Variants in LNX1 observed in about 807,000 individuals in gnomAD.
LNX1 encodes the protein E3 ubiquitin-protein ligase LNX.
LNX1 carries 54 observed loss-of-function variants against 68.4 expected under a neutral mutation model. The ratio of observed to expected loss-of-function variants is 0.79; its 90% CI spans 0.63 to 0.99. The LOEUF is 0.99. LNX1 is among the 50% of genes least tolerant of loss of function. LNX1 has a pLI of 0.00. For missense variants in LNX1, 906 were observed against 926.4 expected (o/e 0.98, Z 0.29); for synonymous variants, 336 against 350.0 (o/e 0.96, Z 0.45).
chr4:53,462,606 T>A (rs1400744696), intron 9 of LNX1, among the ~76,000 whole-genome samples: 1 of 152,172 alleles, frequency 6.6e-6, no homozygotes, highest in Non-Finnish European at 1.5e-5. Flanking sequence ...TTACATTTGT[T>A]ACCAACCTTG....
At chr4:53,585,738 G>C (rs1732130283) in intron 1 of LNX1, among the ~76,000 whole-genome samples, 1 of 152,176 alleles carries the variant, frequency 6.6e-6, no homozygotes, top group Non-Finnish European at 1.5e-5. Flanking sequence ...AGAGACCAGA[G>C]AAGACCCTCT....
chr4:53,541,816 A>C (rs1728783950), intron 2 of LNX1, among the ~76,000 whole-genome samples: 1 of 152,218 alleles, frequency 6.6e-6, no homozygotes. Flanking sequence ...ACTAAAATAA[A>C]AATGTTTAAA....
chr4:53,642,967 C>T (rs1470595410), intron 1 of LNX1, among the ~76,000 whole-genome samples: 1 of 152,152 alleles, frequency 6.6e-6, no homozygotes, highest in Non-Finnish European at 1.5e-5. Context: ...TGATTTTGCC[C>T]TCCAGAGGCC....
At chr4:53,562,457 CTCTCTAG>C (rs1730355139) in intron 2 of LNX1, among the ~76,000 whole-genome samples, 2 of 152,196 alleles carry the variant, frequency 1.3e-5, no homozygotes, top group South Asian at 4.1e-4. Flanking sequence ...CATAAAAGAG[CTCTCTAG>C]TCTGAAGACA....
rs1334927986 is a variant in LNX1, at chr4:53,460,717, CTAG to C, written c.*187_*189del. 2.8e-5 allele frequency: 15 copies of C among 537,782 alleles called. 1 individual carries two copies. Among genetic ancestry groups the C allele is most frequent in the South Asian group, 1.4e-4 (5 of 36,010 alleles). 33.3% of individuals were successfully genotyped at this position (537,782 alleles called of 1,614,324 possible). On this transcript the variant is annotated 3_prime_UTR_variant, in exon 11 of 11. Transcript: ENST00000263925. ...AGAAATCCTCCACACTGAAAAAAAA[CTAG>C]TAGTTTTAATTTTTTTGGAATCATA...
In LNX1 at chr4:53,498,625, C is replaced by A; in HGVS notation, c.978+16G>T. On this transcript the variant is annotated intron_variant, in intron 5 of 10. Transcript: ENST00000263925. ...TATCAAGCCCCTTGCTGCAGCCCCACAGCCACAGTCTCTACCTTTAGAATG... is the reference window on the plus strand; with the variant it reads ...TATCAAGCCCCTTGCTGCAGCCCCAAAGCCACAGTCTCTACCTTTAGAATG... The A allele has an allele frequency of 6.2e-7, 1 of 1,607,172 alleles. No individual in the cohort carries two copies. The highest frequency in any genetic ancestry group is 8.5e-7 in the Non-Finnish European group (1 of 1,173,712).
chr4:53,651,344 C>A (rs570068878), intron 1 of LNX1, among the ~76,000 whole-genome samples: 1 of 152,328 alleles, frequency 6.6e-6, no homozygotes, highest in Admixed American at 6.5e-5. Context: ...GGACTTGCAC[C>A]ACGCCCTGAC....
upstream of LNX1, among the ~76,000 whole-genome samples, chr4:53,619,122 C>T (rs2109857561): frequency 6.6e-6 from 1 of 152,226 alleles, no homozygotes; most frequent in African/African-American, 2.4e-5. Flanking sequence ...TAGTGTAACT[C>T]TAAAATGAAA....
chr4:53,591,331 C>T (rs538645796), intron 1 of LNX1, 57 bp downstream of exon 1: 33 of 936,050 alleles, frequency 3.5e-5, no homozygotes, highest in Non-Finnish European at 4.2e-5. Context: ...GTGTTCAGAT[C>T]CCTCAGGGGC....
At chr4:53,542,499 T>C (rs1042918438) in intron 2 of LNX1, among the ~76,000 whole-genome samples, 2 of 152,126 alleles carry the variant, frequency 1.3e-5, no homozygotes, top group African/African-American at 4.8e-5. Context: ...ACAATCACCA[T>C]CACATTGATC....
intron 2 of LNX1, among the ~76,000 whole-genome samples, chr4:53,560,777 C>T (rs1730230555): frequency 6.6e-6 from 1 of 152,182 alleles, no homozygotes; most frequent in Non-Finnish European, 1.5e-5. Flanking sequence ...CCTGGGCTTC[C>T]TACCCTTAGA....
chr4:53,490,452 C>A (rs1724605029), intron 6 of LNX1, among the ~76,000 whole-genome samples: 1 of 152,144 alleles, frequency 6.6e-6, no homozygotes, highest in Admixed American at 6.5e-5. Flanking sequence ...TCATCAGCAC[C>A]ATATTTGAGG....
chr4:53,483,986 T>C (rs1299606156), intron 6 of LNX1, among the ~76,000 whole-genome samples: 3 of 152,210 alleles, frequency 2.0e-5, no homozygotes, highest in South Asian at 2.1e-4. Flanking sequence ...TGAAGGCAGG[T>C]CCCTCCTAAG....
chr4:53,620,179 ATCTG>A (rs1421842265), upstream of LNX1, among the ~76,000 whole-genome samples: 5 of 152,186 alleles, frequency 3.3e-5, no homozygotes, highest in East Asian at 5.8e-4. Context: ...TCTATCTGTC[ATCTG>A]TCTATTTATC....
chr4:53,626,723 A>C (rs1734088806), intron 1 of LNX1, among the ~76,000 whole-genome samples: 1 of 152,224 alleles, frequency 6.6e-6, no homozygotes, highest in Admixed American at 6.5e-5. Flanking sequence ...AAAAGAAGGA[A>C]ATGAGCTCTT....
intron 2 of LNX1, among the ~76,000 whole-genome samples, chr4:53,525,761 A>C (rs1232858281): frequency 1.3e-5 from 2 of 152,158 alleles, no homozygotes; most frequent in Admixed American, 1.3e-4. Context: ...CAATCCTGTT[A>C]ATCTGTGGCC....
At chr4:53,546,901 G>A (rs1367755129) in intron 2 of LNX1, among the ~76,000 whole-genome samples, 1 of 152,200 alleles carries the variant, frequency 6.6e-6, no homozygotes, top group Non-Finnish European at 1.5e-5. Flanking sequence ...TGTGTGGAAG[G>A]CGAGGCCTCA....
intron 2 of LNX1, among the ~76,000 whole-genome samples, chr4:53,560,358 G>T (rs1730199783): frequency 6.6e-6 from 1 of 152,156 alleles, no homozygotes; most frequent in Admixed American, 6.5e-5. Flanking sequence ...TAATGTGACT[G>T]CAATATAAAC....
chr4:53,561,808 A>G (rs1341146170), intron 2 of LNX1, among the ~76,000 whole-genome samples: 1 of 152,162 alleles, frequency 6.6e-6, no homozygotes, highest in Non-Finnish European at 1.5e-5. Context: ...TAAATACTTG[A>G]GGAGGGTCAG....
Sources: gnomAD v4.1 joint callset for allele counts (sites outside exome capture counted in the v4.1 genomes callset) on GRCh38, gnomAD v4.1.1 for gene constraint, MANE v1.5 for transcripts, NCBI Gene and HGNC (gene_info 2026-07-23, HGNC 2026-07-21) for gene names.